OPCML: variants seen among roughly 807,000 people sequenced by gnomAD.
The protein encoded by OPCML is opioid-binding protein/cell adhesion molecule.
In OPCML, 13 loss-of-function variants were observed where a neutral mutation model predicts 37.8. The observed-to-expected ratio is 0.34, with a 90% confidence interval of 0.22 to 0.55. The LOEUF (loss-of-function observed/expected upper bound fraction) is 0.55. Among genes scored for constraint, OPCML ranks in the 20% least tolerant of loss-of-function variants. The probability of loss-of-function intolerance (pLI) is 0.91; values close to 1 mark genes in which losing one functional copy is unlikely to be tolerated. For synonymous variants in OPCML, 176 were observed against 168.8 expected (o/e 1.04, Z -0.33); for missense variants, 341 against 435.6 (o/e 0.78, Z 1.93).
intron 4 of OPCML, among the ~76,000 whole-genome samples, chr11:132,441,270 C>T (rs957446278): frequency 1.4e-5 from 2 of 144,544 alleles, no homozygotes; most frequent in African/African-American, 5.4e-5. Flanking sequence ...CGGGTTCACG[C>T]CATTCTCCTG....
intron 3 of OPCML, among the ~76,000 whole-genome samples, chr11:132,548,507 T>A (rs1164635877): frequency 6.6e-6 from 1 of 152,146 alleles, no homozygotes; most frequent in South Asian, 2.1e-4. Flanking sequence ...CTCAATTAAA[T>A]GGCATTTAAA....
chr11:132,765,925 G>A (rs1051557467), intron 2 of OPCML, among the ~76,000 whole-genome samples: 2 of 152,122 alleles, frequency 1.3e-5, no homozygotes, highest in African/African-American at 2.4e-5. Context: ...GTTCTGTCAT[G>A]CCAGAGAGAA....
intron 1 of OPCML, among the ~76,000 whole-genome samples, chr11:133,235,463 A>C (rs1940471532): frequency 6.6e-6 from 1 of 152,232 alleles, no homozygotes; most frequent in Non-Finnish European, 1.5e-5. Context: ...AAAGAGGAGA[A>C]GGGAAGGGAA....
chr11:132,645,126 C>T (rs958804945), intron 3 of OPCML, among the ~76,000 whole-genome samples: 1 of 152,162 alleles, frequency 6.6e-6, no homozygotes, highest in Non-Finnish European at 1.5e-5. Context: ...TTTTTGACAC[C>T]GCTAAAGCAA....
chr11:132,681,639 A>G (rs1942947167), intron 2 of OPCML, among the ~76,000 whole-genome samples: 1 of 152,082 alleles, frequency 6.6e-6, no homozygotes, highest in African/African-American at 2.4e-5. Flanking sequence ...GCCGGACAAG[A>G]ACTCGGGTGT....
At chr11:133,506,944 C>T (rs1384070711) in intron 1 of OPCML, among the ~76,000 whole-genome samples, 4 of 152,252 alleles carry the variant, frequency 2.6e-5, no homozygotes, top group South Asian at 2.1e-4. Flanking sequence ...AGTGCCCCCA[C>T]TCATCCACTT....
chr11:133,110,074 C>A (rs1336388871), intron 1 of OPCML, among the ~76,000 whole-genome samples: 1 of 152,158 alleles, frequency 6.6e-6, no homozygotes, highest in Non-Finnish European at 1.5e-5. Flanking sequence ...AGCTACACAT[C>A]TTGTAATGCA....
chr11:132,809,103 G>A (rs988116540), intron 2 of OPCML, among the ~76,000 whole-genome samples: 4 of 152,096 alleles, frequency 2.6e-5, no homozygotes, highest in African/African-American at 7.2e-5. Flanking sequence ...CACTCACTCA[G>A]GATTTAAAAG....
At chr11:133,496,266 T>A (rs1947785361) in intron 1 of OPCML, among the ~76,000 whole-genome samples, 1 of 152,214 alleles carries the variant, frequency 6.6e-6, no homozygotes, top group Admixed American at 6.5e-5. Flanking sequence ...TATGTGCCTA[T>A]TTTTATACCA....
intron 3 of OPCML, among the ~76,000 whole-genome samples, chr11:132,529,560 C>A (rs1480907498): frequency 2.0e-5 from 3 of 152,156 alleles, no homozygotes; most frequent in Non-Finnish European, 4.4e-5. Context: ...AAGCTGATAA[C>A]CATTAGGGAG....
At chr11:133,184,928 C>A (rs964636874) in intron 1 of OPCML, among the ~76,000 whole-genome samples, 3 of 152,116 alleles carry the variant, frequency 2.0e-5, no homozygotes, top group Admixed American at 2.0e-4. Flanking sequence ...CCCTTGGGAA[C>A]CTGAGTGGTG....
intron 2 of OPCML, among the ~76,000 whole-genome samples, chr11:132,753,274 C>A (rs554791818): frequency 1.3e-5 from 2 of 152,318 alleles, no homozygotes; most frequent in East Asian, 1.9e-4. Flanking sequence ...TCCCAGTAAG[C>A]AATTAAATAA....
intron 1 of OPCML, among the ~76,000 whole-genome samples, chr11:133,441,435 A>G (rs1219881495): frequency 2.6e-5 from 4 of 152,192 alleles, no homozygotes; most frequent in African/African-American, 9.6e-5. Flanking sequence ...GGTATAGGAT[A>G]TAACTTCAAG....
At chr11:133,110,400 A>C (rs1488978303) in intron 1 of OPCML, among the ~76,000 whole-genome samples, 1 of 152,158 alleles carries the variant, frequency 6.6e-6, no homozygotes. Context: ...TGGTGTTCCC[A>C]CAGCATGAAC....
At chr11:133,054,044 C>A (rs936530666) in intron 1 of OPCML, among the ~76,000 whole-genome samples, 22 of 152,182 alleles carry the variant, frequency 1.4e-4, no homozygotes, top group Non-Finnish European at 5.9e-5. Context: ...TAGATGTCAT[C>A]TTTGATTCTT....
chr11:133,355,710 G>A (rs938557653), intron 1 of OPCML, among the ~76,000 whole-genome samples: 1 of 152,160 alleles, frequency 6.6e-6, no homozygotes, highest in Non-Finnish European at 1.5e-5. Context: ...AATAATTCCA[G>A]TGGTTCAATC....
intron 2 of OPCML, among the ~76,000 whole-genome samples, chr11:132,885,832 A>G (rs1943389117): frequency 6.6e-6 from 1 of 152,172 alleles, no homozygotes; most frequent in South Asian, 2.1e-4. Flanking sequence ...TTGGCATGTA[A>G]CATTTCCCCT....
At chr11:132,811,084 C>G (rs779133573) in intron 2 of OPCML, among the ~76,000 whole-genome samples, 1 of 152,052 alleles carries the variant, frequency 6.6e-6, no homozygotes, top group African/African-American at 2.4e-5. Context: ...TTTAGGTGCC[C>G]CCCAAGAGCT....
At chr11:132,439,980 C>T (rs1305619083) in intron 4 of OPCML, among the ~76,000 whole-genome samples, 2 of 152,116 alleles carry the variant, frequency 1.3e-5, no homozygotes, top group Non-Finnish European at 2.9e-5. Flanking sequence ...AAAATGAGAT[C>T]CATGAATGCC....
Sources: allele counts gnomAD v4.1 joint callset (sites outside exome capture counted in the v4.1 genomes callset), GRCh38; gene constraint gnomAD v4.1.1; transcripts MANE v1.5; gene names NCBI Gene and HGNC (gene_info 2026-07-23, HGNC 2026-07-21).